PTBP2: variants seen among roughly 807,000 people sequenced by gnomAD.
The protein encoded by PTBP2 is polypyrimidine tract binding protein 2, also known as polypyrimidine tract-binding protein 2.
In PTBP2, 13 loss-of-function variants were observed where a neutral mutation model predicts 61.4. The observed-to-expected ratio is 0.21, with a 90% confidence interval of 0.14 to 0.34. PTBP2 has a LOEUF of 0.34. Among genes scored for constraint, PTBP2 ranks in the 10% least tolerant of loss-of-function variants. PTBP2 has a pLI of 1.00. For missense variants in PTBP2, 405 were observed against 642.6 expected (o/e 0.63, Z 4.00); for synonymous variants, 215 against 218.5 (o/e 0.98, Z 0.14).
chr1:96,746,673 T>C (rs1258430694), intron 2 of PTBP2, among the ~76,000 whole-genome samples: 1 of 145,628 alleles, frequency 6.9e-6, no homozygotes, highest in African/African-American at 2.6e-5. Context: ...CATTGCACTC[T>C]AGCTTGGTGA....
chr1:96,775,932 T>C (rs977677883), intron 5 of PTBP2, among the ~76,000 whole-genome samples: 1 of 151,934 alleles, frequency 6.6e-6, no homozygotes, highest in Non-Finnish European at 1.5e-5. Flanking sequence ...ATATGAATAG[T>C]ATTGAAAAAA....
rs1659089478 is a variant in PTBP2, at chr1:96,785,269, G to C, written c.904+15G>C. ...ATCCCTCTTAGGTATGATTTTTATT[G>C]TCTTAACCACTTTTCTCCCATTTTG... On this transcript the variant is annotated intron_variant, in intron 8 of 13. Coordinates refer to ENST00000674951, the MANE Select transcript of PTBP2 (RefSeq NM_021190.4). 2 of 1,526,572 alleles carry C rather than the reference G, an allele frequency of 1.3e-6. No homozygotes were observed. The highest frequency in any genetic ancestry group is 1.4e-5 in the African/African-American group (1 of 69,768). The allele number at this position is 1,526,572 out of a possible 1,614,324, so 94.6% of individuals were successfully genotyped here.
chr1:96,749,520 C>T (rs575817799), intron 2 of PTBP2: 2 of 340,640 alleles, frequency 5.9e-6, no homozygotes, highest in Non-Finnish European at 1.2e-5. Context: ...GTTTTTGTTT[C>T]TTACTTTTAG....
At chr1:96,809,508 A>C (rs902795077) in intron 11 of PTBP2, among the ~76,000 whole-genome samples, 1 of 151,924 alleles carries the variant, frequency 6.6e-6, no homozygotes, top group Admixed American at 6.6e-5. Context: ...ATGAGTCAGA[A>C]GTTTGTTTGT....
intron 5 of PTBP2, among the ~76,000 whole-genome samples, chr1:96,772,018 G>A (rs1657440691): frequency 6.6e-6 from 1 of 152,100 alleles, no homozygotes; most frequent in Non-Finnish European, 1.5e-5. Context: ...CAAGCAGTCA[G>A]GTCTGCAGTG....
chr1:96,815,815 G>A (rs1181518828), downstream of PTBP2: 1 of 152,144 alleles, frequency 6.6e-6, no homozygotes, highest in Non-Finnish European at 1.5e-5. Flanking sequence ...GGATGATTTG[G>A]AAGCTAGGTG....
At chr1:96,809,398 A>G (rs373715115) in intron 11 of PTBP2, among the ~76,000 whole-genome samples, 7 of 152,244 alleles carry the variant, frequency 4.6e-5, no homozygotes, top group African/African-American at 1.2e-4. Flanking sequence ...AGAGTATCAT[A>G]CAGACCTCAT....
At chr1:96,805,522 C>T (rs1661414835) in intron 9 of PTBP2, among the ~76,000 whole-genome samples, 1 of 151,792 alleles carries the variant, frequency 6.6e-6, no homozygotes, top group Non-Finnish European at 1.5e-5. Context: ...TCCTTACCAC[C>T]CCCTCCACCC....
At chr1:96,760,390 A>G (rs1655667734) in intron 3 of PTBP2, among the ~76,000 whole-genome samples, 2 of 151,670 alleles carry the variant, frequency 1.3e-5, no homozygotes, top group Admixed American at 6.6e-5. Context: ...AAGATGTGGA[A>G]CTGTCTTTAA....
chr1:96,746,702 G>GAA lies in PTBP2; in HGVS notation c.40-4706_40-4705dup, dbSNP rs34663964. On this transcript the variant is annotated intron_variant, in intron 2 of 13. Transcript: ENST00000674951. ...TTGGTGACAGAGCAAGACTTTGTCT[G>GAA]AAAAAAAAAAAAAAAAAAGTGTGTG... Among the ~76,000 whole-genome samples the GAA allele has an allele frequency of 2.3e-3, 252 of 111,800 alleles. 1 individual carries two copies. The highest frequency in any genetic ancestry group is 0.01 in the Middle Eastern group (2 of 192). 73.3% of individuals were successfully genotyped at this position (111,800 alleles called of 152,430 possible).
intron 3 of PTBP2, among the ~76,000 whole-genome samples, chr1:96,767,081 T>A (rs1397016640): frequency 6.6e-6 from 1 of 152,170 alleles, no homozygotes; most frequent in Non-Finnish European, 1.5e-5. Flanking sequence ...TAAATATTGA[T>A]GCAAAATAAA....
chr1:96,786,533 AAG>A (rs1659221868), intron 8 of PTBP2, among the ~76,000 whole-genome samples: 1 of 152,212 alleles, frequency 6.6e-6, no homozygotes, highest in Non-Finnish European at 1.5e-5. Flanking sequence ...TCAGGAATGA[AAG>A]AGTGAAACAT....
intron 8 of PTBP2, among the ~76,000 whole-genome samples, chr1:96,801,754 G>A (rs1013652764): frequency 2.6e-5 from 4 of 151,452 alleles, no homozygotes; most frequent in African/African-American, 7.3e-5. Context: ...TCAGCTACTC[G>A]AGATGCTGAG....
chr1:96,722,374 C>G (rs1649715032), intron 1 of PTBP2, among the ~76,000 whole-genome samples: 1 of 151,932 alleles, frequency 6.6e-6, no homozygotes, highest in Non-Finnish European at 1.5e-5. Context: ...CTCGCCCGGC[C>G]CTCCGTGGTC....
chr1:96,804,797 C>T lies in PTBP2; in HGVS notation c.905-3C>T. Reference sequence around the variant, plus strand: ...ATTTTAAAATTAGGGCTTCCTGTTGCAGCTGTTCCAGGAGCTCTGAGTCCT... The same window carrying T: ...ATTTTAAAATTAGGGCTTCCTGTTGTAGCTGTTCCAGGAGCTCTGAGTCCT... On this transcript the variant is annotated splice_polypyrimidine_tract_variant and splice_region_variant and intron_variant, in intron 8 of 13. Transcript: ENST00000674951. 6.3e-7 allele frequency: 1 copy of T among 1,591,642 alleles called. No individual in the cohort carries two copies. The highest frequency in any genetic ancestry group is 8.5e-7 in the Non-Finnish European group (1 of 1,170,292).
chr1:96,819,063 G>A (rs759542109), downstream of PTBP2: 10 of 152,090 alleles, frequency 6.6e-5, no homozygotes, highest in Non-Finnish European at 1.3e-4. Context: ...GACAGGGAAG[G>A]AATGTCCATG....
chr1:96,729,849 G>C (rs1651155955), intron 2 of PTBP2, among the ~76,000 whole-genome samples: 1 of 149,800 alleles, frequency 6.7e-6, no homozygotes. Flanking sequence ...CGGTTCTCCT[G>C]CCTCAGCATC....
chr1:96,749,824 G>T (rs1031697230), intron 2 of PTBP2: 5 of 312,950 alleles, frequency 1.6e-5, no homozygotes, highest in Non-Finnish European at 3.3e-5. Flanking sequence ...TAATCCTAAG[G>T]GCTGTGATGT....
At chr1:96,823,548 CTG>C (rs1189472437) in exon 14 of PTBP2, 1 of 152,138 alleles carries the variant, frequency 6.6e-6, no homozygotes, top group Non-Finnish European at 1.5e-5. Context: ...GTAAAAGTGT[CTG>C]TTAACCATAA....
Sources: gnomAD v4.1 joint callset for allele counts (sites outside exome capture counted in the v4.1 genomes callset) on GRCh38, gnomAD v4.1.1 for gene constraint, MANE v1.5 for transcripts, NCBI Gene and HGNC (gene_info 2026-07-23, HGNC 2026-07-21) for gene names.